BANP: variants seen among roughly 807,000 people sequenced by gnomAD.
The protein encoded by BANP is protein BANP.
In BANP, 11 loss-of-function variants were observed where a neutral mutation model predicts 68.1. The ratio of observed to expected loss-of-function variants is 0.16; its 90% CI spans 0.10 to 0.27. BANP has a LOEUF of 0.27. Among genes scored for constraint, BANP ranks in the 10% least tolerant of loss-of-function variants. The probability of loss-of-function intolerance (pLI) is 1.00; values close to 1 mark genes in which losing one functional copy is unlikely to be tolerated. For missense variants in BANP, 504 were observed against 722.7 expected, an observed-to-expected ratio of 0.70 and a Z score of 3.47; for synonymous variants, 329 against 303.2, an observed-to-expected ratio of 1.09 and a Z score of -0.88.
At chr16:88,011,690 G>A (rs1355531597) in intron 6 of BANP, among the ~76,000 whole-genome samples, 6 of 152,146 alleles carry the variant, frequency 3.9e-5, no homozygotes, top group Non-Finnish European at 8.8e-5. Flanking sequence ...TCTCAAATAC[G>A]ATGTCACATA....
intron 1 of BANP, among the ~76,000 whole-genome samples, chr16:87,973,751 CACAAAAAAA>C (rs1567625763): frequency 6.1e-5 from 1 of 16,354 alleles, no homozygotes; most frequent in Non-Finnish European, 1.2e-4. Flanking sequence ...AAAACTCCAT[CACAAAAAAA>C]AAAAAAAAAA....
chr16:88,042,857 CA>C, intron 11 of BANP, among the ~76,000 whole-genome samples: 1 of 152,170 alleles, frequency 6.6e-6, no homozygotes, highest in South Asian at 2.1e-4. Context: ...GCCCAGGCTG[CA>C]GTGAGCCGTG....
intron 1 of BANP, among the ~76,000 whole-genome samples, chr16:87,961,410 C>CCCCCCT (rs1555533450): frequency 7.1e-6 from 1 of 140,422 alleles, no homozygotes; most frequent in Non-Finnish European, 1.7e-5. Context: ...AGAATCTGCA[C>CCCCCCT]CCCCCCGGGC....
intron 8 of BANP, among the ~76,000 whole-genome samples, chr16:88,031,676 T>G (rs575555300): frequency 1.3e-5 from 2 of 151,928 alleles, no homozygotes; most frequent in Non-Finnish European, 2.9e-5. Context: ...AACCCAACAT[T>G]TTATTGTTAC....
chr16:87,971,595 G>C (rs372857902), intron 1 of BANP, among the ~76,000 whole-genome samples: 29 of 148,270 alleles, frequency 2.0e-4, no homozygotes, highest in African/African-American at 6.9e-4. Context: ...TCTTTAAATA[G>C]TGTTTTTATT....
Position 88,036,798 on chromosome 16 carries a change from G to T in BANP, c.1273-1175G>T, listed in dbSNP as rs1314733399. Among the ~76,000 whole-genome samples, 1 of 152,202 alleles carries T rather than the reference G, an allele frequency of 6.6e-6. No individual in the cohort carries two copies. Among genetic ancestry groups the T allele is most frequent in the East Asian group, 1.9e-4 (1 of 5,198 alleles). On this transcript the variant is annotated intron_variant, in intron 10 of 13. Transcript: ENST00000682872. This position sits in a 1 kb window ranked among gnomAD's most constrained non-coding sequence, Gnocchi z 4.2. ...GGTAGGGGACGGTCCCAGGAGGCCA[G>T]AGTGTCCAGGAAGGAGCAGGGCCTT... is the stretch of plus-strand genomic sequence containing the variant.
intron 5 of BANP, among the ~76,000 whole-genome samples, chr16:88,005,746 T>A (rs1197767264): frequency 1.3e-5 from 2 of 152,208 alleles, no homozygotes; most frequent in African/African-American, 4.8e-5. Flanking sequence ...AGTCTTCCCT[T>A]TAACCTCGCC....
intron 7 of BANP, among the ~76,000 whole-genome samples, chr16:88,024,300 A>G (rs1377615018): frequency 6.6e-6 from 1 of 152,162 alleles, no homozygotes; most frequent in Non-Finnish European, 1.5e-5. Flanking sequence ...CTAACTAGTA[A>G]TTGGACTTGG....
intron 8 of BANP, 47 bp from the exon 9 acceptor site, chr16:88,033,062 C>G (rs1389901844): frequency 1.3e-6 from 2 of 1,543,276 alleles, no homozygotes; most frequent in Non-Finnish European, 1.8e-6. Flanking sequence ...CCAGGCAATG[C>G]CTAAGAAACT....
At chr16:88,048,551 C>T (rs991596397) in intron 11 of BANP, among the ~76,000 whole-genome samples, 1 of 149,536 alleles carries the variant, frequency 6.7e-6, no homozygotes, top group Non-Finnish European at 1.5e-5. Context: ...TTCTTGGTAT[C>T]GAATCGGCGC....
chr16:87,984,611 G>A (rs1226823305), intron 4 of BANP, among the ~76,000 whole-genome samples: 1 of 152,188 alleles, frequency 6.6e-6, no homozygotes, highest in Non-Finnish European at 1.5e-5. Flanking sequence ...CGTATGTGGT[G>A]TTTATACATT....
intron 7 of BANP, among the ~76,000 whole-genome samples, chr16:88,021,151 G>A (rs1280039871): frequency 6.6e-6 from 1 of 152,218 alleles, no homozygotes; most frequent in African/African-American, 2.4e-5. Context: ...CCCTGGGCCC[G>A]CTGGCTTCGG....
chr16:87,967,364 TCCC>T (rs1026113604), intron 1 of BANP, among the ~76,000 whole-genome samples: 3 of 147,822 alleles, frequency 2.0e-5, no homozygotes, highest in African/African-American at 7.4e-5. Context: ...CACCTTCTCC[TCCC>T]GAAGTGCTGG....
At chr16:87,967,683 G>A (rs959135774) in intron 1 of BANP, among the ~76,000 whole-genome samples, 1 of 147,528 alleles carries the variant, frequency 6.8e-6, no homozygotes, top group Admixed American at 6.9e-5. Context: ...GTGCAGTGGC[G>A]CAGTCTTGGC....
chr16:88,031,722 G>A (rs2078216525), intron 8 of BANP, among the ~76,000 whole-genome samples: 1 of 151,662 alleles, frequency 6.6e-6, no homozygotes, highest in Non-Finnish European at 1.5e-5. Flanking sequence ...TAGGTACTAT[G>A]GCAATTTAAT....
intron 11 of BANP, among the ~76,000 whole-genome samples, chr16:88,044,969 G>A (rs934890695): frequency 4.0e-5 from 6 of 151,694 alleles, no homozygotes; most frequent in South Asian, 2.1e-4. Context: ...GCAACAGAGC[G>A]CGACTCCGTC....
chr16:87,989,206 A>T (rs2065242029), intron 4 of BANP, among the ~76,000 whole-genome samples: 1 of 152,228 alleles, frequency 6.6e-6, no homozygotes, highest in Non-Finnish European at 1.5e-5. Context: ...GTCGTCATCG[A>T]CTTGGGGACA....
At chr16:87,986,570 GATAA>G (rs2064482082) in intron 4 of BANP, among the ~76,000 whole-genome samples, 2 of 62,592 alleles carry the variant, frequency 3.2e-5, no homozygotes, top group African/African-American at 1.0e-4. Context: ...TCTAGTTTAA[GATAA>G]GAGGAAGAGG....
intron 1 of BANP, among the ~76,000 whole-genome samples, chr16:87,955,756 G>A (rs1350780627): frequency 6.6e-6 from 1 of 152,128 alleles, no homozygotes; most frequent in Non-Finnish European, 1.5e-5. Flanking sequence ...CAAGTGATCG[G>A]GGTAACACCA....
Sources: allele counts gnomAD v4.1 joint callset (sites outside exome capture counted in the v4.1 genomes callset), GRCh38; gene constraint gnomAD v4.1.1; non-coding constraint Gnocchi (gnomAD v3.1); transcripts MANE v1.5; gene names NCBI Gene and HGNC (gene_info 2026-07-23, HGNC 2026-07-21).